The following NELL2 variants were observed in gnomAD, a reference collection of about 807,000 sequenced individuals.
The protein encoded by NELL2 is neural EGFL like 2, also known as protein kinase C-binding protein NELL2.
A neutral mutation model predicts 109.6 loss-of-function variants in NELL2; 41 were observed. That is an observed-to-expected ratio of 0.37 (90% CI 0.29 to 0.49). The LOEUF (loss-of-function observed/expected upper bound fraction) is 0.49, where lower values mean the gene tolerates loss of function less well. Among genes scored for constraint, NELL2 ranks in the 20% least tolerant of loss-of-function variants. The pLI, the probability that NELL2 is intolerant of heterozygous loss-of-function variation, is 0.98. For missense variants in NELL2, 900 were observed against 1,008.3 expected (o/e 0.89, Z 1.45); for synonymous variants, 355 against 344.7 (o/e 1.03, Z -0.33).
In NELL2 at chr12:44,711,272, AC is replaced by A; in HGVS notation, c.1189+19del. 6.3e-7 allele frequency: 1 copy of A among 1,575,206 alleles called. No homozygotes were observed. Among genetic ancestry groups the A allele is most frequent in the Non-Finnish European group, 8.7e-7 (1 of 1,145,162 alleles). On this transcript the variant is annotated intron_variant, in intron 11 of 19. Transcript: ENST00000429094. ...ATAATAACTCTTGCACGTAAACCTT[AC>A]TTTTCAAAAAAGTCTTACCTTTACA...
At chr12:44,919,779 A>C (rs1945855684) in intron 1 of NELL2, among the ~76,000 whole-genome samples, 1 of 152,154 alleles carries the variant, frequency 6.6e-6, no homozygotes, top group South Asian at 2.1e-4. Context: ...CAGCCCCCAG[A>C]GCTGTGAGAC....
At position 44,523,415 on chromosome 12, in the gene NELL2, C is replaced by T. The variant is rs745705477; in HGVS notation, c.1874G>A (p.Gly625Glu). ...NDTICFNLDGGYDCRCPHGKN... is the reference protein window; with the variant it reads ...NDTICFNLDGEYDCRCPHGKN... ...TCCATGAGGACATCGACAATCATAT[C>T]CGCCATCCAAATTGAAGCAAATGGT... Residue 625 changes from glycine to glutamate, a missense_variant, in exon 17 of 20, where the codon GGA becomes GAA. Physicochemically the swap from Gly to Glu is moderately conservative, Grantham distance 98. Coordinates refer to ENST00000429094, the MANE Select transcript of NELL2 (RefSeq NM_001145108.2). 1.2e-6 allele frequency: 2 copies of T among 1,614,112 alleles called. No individual in the cohort carries two copies. The highest frequency in any genetic ancestry group is 1.7e-6 in the Non-Finnish European group (2 of 1,180,006).
intron 3 of NELL2, among the ~76,000 whole-genome samples, chr12:44,794,193 T>A (rs1457332764): frequency 6.6e-6 from 1 of 152,202 alleles, no homozygotes; most frequent in Non-Finnish European, 1.5e-5. Context: ...ATGTGTTTCA[T>A]CTGGTTAATC....
chr12:44,672,178 C>T (rs934929622), intron 12 of NELL2, among the ~76,000 whole-genome samples: 18 of 152,144 alleles, frequency 1.2e-4, no homozygotes, highest in African/African-American at 4.3e-4. Context: ...AAAATAATAT[C>T]CCATAGAACA....
At position 44,714,642 on chromosome 12, in the gene NELL2, C is replaced by G. The variant is rs141254342; in HGVS notation, c.1086+8G>C. On this transcript the variant is annotated splice_region_variant and intron_variant, in intron 10 of 19. Coordinates refer to ENST00000429094, the MANE Select transcript of NELL2 (RefSeq NM_001145108.2). Reference sequence around the variant, plus strand: ...CAATTTTGAAAGACCCACGAATAGTCTTCTTACCTTGCACTCATAGAGAAC... The same window carrying G: ...CAATTTTGAAAGACCCACGAATAGTGTTCTTACCTTGCACTCATAGAGAAC... The G allele has an allele frequency of 4.5e-6, 7 of 1,544,252 alleles. No homozygotes were observed. The East Asian group carries it at 1.6e-4, about 36-fold the overall frequency.
chr12:44,746,991 C>T (rs1940400322), intron 9 of NELL2, among the ~76,000 whole-genome samples: 1 of 152,222 alleles, frequency 6.6e-6, no homozygotes, highest in Non-Finnish European at 1.5e-5. Context: ...TATAAAGACT[C>T]ATGCACACGT....
chr12:44,731,656 A>T (rs192936426), intron 9 of NELL2, among the ~76,000 whole-genome samples: 3 of 152,242 alleles, frequency 2.0e-5, no homozygotes, highest in Admixed American at 6.5e-5. Flanking sequence ...AACAGTGATA[A>T]ACTAAGTTTC....
intron 2 of NELL2, among the ~76,000 whole-genome samples, chr12:44,850,776 A>C (rs1473721217): frequency 6.6e-6 from 1 of 152,210 alleles, no homozygotes; most frequent in African/African-American, 2.4e-5. Flanking sequence ...AATACCATTA[A>C]AGCCCTTGCA....
At chr12:44,721,963 G>A (rs1439152720) in intron 9 of NELL2, among the ~76,000 whole-genome samples, 7 of 151,892 alleles carry the variant, frequency 4.6e-5, no homozygotes, top group South Asian at 4.2e-4. Flanking sequence ...CAGTTAAAGG[G>A]AGCAAGCTCT....
chr12:44,661,965 T>C (rs1947759068), intron 13 of NELL2, among the ~76,000 whole-genome samples: 1 of 152,106 alleles, frequency 6.6e-6, no homozygotes, highest in Admixed American at 6.6e-5. Flanking sequence ...TCTCTCTCTG[T>C]CTTTCTTCCC....
chr12:44,791,121 GTATATA>G (rs1188393357), intron 3 of NELL2, among the ~76,000 whole-genome samples: 2 of 24,210 alleles, frequency 8.3e-5, no homozygotes, highest in South Asian at 2.0e-3. Context: ...ATATATATAT[GTATATA>G]TATATATACA....
chr12:44,716,451 T>G (rs1901145), intron 9 of NELL2, among the ~76,000 whole-genome samples: 13,383 of 152,184 alleles, frequency 0.088, 1,928 homozygotes, highest in African/African-American at 0.3. Context: ...TGAAACTATG[T>G]ATTTGTCAGT....
At chr12:44,634,148 A>G (rs1234609909) in intron 13 of NELL2, among the ~76,000 whole-genome samples, 1 of 152,124 alleles carries the variant, frequency 6.6e-6, no homozygotes, top group Non-Finnish European at 1.5e-5. Flanking sequence ...GATGGAAGAT[A>G]TATTTATAAC....
chr12:44,880,646 T>A (rs545742963), upstream of NELL2, among the ~76,000 whole-genome samples: 3 of 151,974 alleles, frequency 2.0e-5, no homozygotes, highest in Non-Finnish European at 4.4e-5. Flanking sequence ...TTAAAGAATA[T>A]CATGAGGCTC....
At chr12:44,570,584 G>A (rs1943829017) in intron 15 of NELL2, among the ~76,000 whole-genome samples, 2 of 152,094 alleles carry the variant, frequency 1.3e-5, no homozygotes, top group Admixed American at 6.6e-5. Flanking sequence ...CATGGAATAT[G>A]TCAATGCCCA....
At chr12:44,583,356 T>C (rs1345116545) in intron 15 of NELL2, among the ~76,000 whole-genome samples, 1 of 152,232 alleles carries the variant, frequency 6.6e-6, no homozygotes, top group African/African-American at 2.4e-5. Flanking sequence ...TACTTGATGC[T>C]ACAAATTATT....
At chr12:44,901,321 C>T (rs1945657913) in intron 1 of NELL2, among the ~76,000 whole-genome samples, 2 of 152,168 alleles carry the variant, frequency 1.3e-5, no homozygotes, top group Non-Finnish European at 2.9e-5. Flanking sequence ...AATTCCTGGA[C>T]ACATACACCC....
At chr12:44,549,228 A>G (rs964517578) in intron 15 of NELL2, among the ~76,000 whole-genome samples, 7 of 152,322 alleles carry the variant, frequency 4.6e-5, no homozygotes, top group Admixed American at 4.6e-4. Flanking sequence ...GTTCACAGAA[A>G]TCTATTTCCT....
At chr12:44,892,814 A>G (rs995747981) in intron 1 of NELL2, among the ~76,000 whole-genome samples, 1 of 151,358 alleles carries the variant, frequency 6.6e-6, no homozygotes, top group African/African-American at 2.4e-5. Flanking sequence ...AAAAAAAAAA[A>G]AAAAAGAAAC....
Sources: gnomAD v4.1 joint callset for allele counts (sites outside exome capture counted in the v4.1 genomes callset) on GRCh38, gnomAD v4.1.1 for gene constraint, MANE v1.5 for transcripts, NCBI Gene and HGNC (gene_info 2026-07-23, HGNC 2026-07-21) for gene names.